Variants in JAKMIP2 observed in about 807,000 individuals in gnomAD.
The protein encoded by JAKMIP2 is janus kinase and microtubule-interacting protein 2.
In JAKMIP2, 25 loss-of-function variants were observed where a neutral mutation model predicts 115.0. The ratio of observed to expected loss-of-function variants is 0.22; its 90% CI spans 0.16 to 0.30. The LOEUF (loss-of-function observed/expected upper bound fraction) is 0.30. JAKMIP2 is among the 10% of genes least tolerant of loss of function. The pLI is 1.00. For missense variants in JAKMIP2, 642 were observed against 957.6 expected (o/e 0.67, Z 4.35); for synonymous variants, 334 against 343.6 (o/e 0.97, Z 0.31).
chr5:147,773,152 A>C (rs1208970111), intron 1 of JAKMIP2, among the ~76,000 whole-genome samples: 1 of 152,166 alleles, frequency 6.6e-6, no homozygotes, highest in Non-Finnish European at 1.5e-5. Context: ...CATCTTCTAA[A>C]GAGTAAAGAT....
chr5:147,624,295 T>C (rs1756996893), intron 16 of JAKMIP2, among the ~76,000 whole-genome samples: 1 of 152,170 alleles, frequency 6.6e-6, no homozygotes, highest in African/African-American at 2.4e-5. Context: ...CCTGCCCTTA[T>C]TGGAGAACAC....
At chr5:147,759,676 A>C (rs1188017142) in intron 1 of JAKMIP2, among the ~76,000 whole-genome samples, 1 of 152,200 alleles carries the variant, frequency 6.6e-6, no homozygotes, top group East Asian at 1.9e-4. Context: ...GAATGACAAG[A>C]AGCAGCTAAC....
chr5:147,661,763 G>T, intron 2 of JAKMIP2: 1 of 278,576 alleles, frequency 3.6e-6, no homozygotes, highest in South Asian at 6.6e-5. Flanking sequence ...CAGAATCCCT[G>T]GCTTAGCCCC....
intron 3 of JAKMIP2, among the ~76,000 whole-genome samples, chr5:147,652,979 T>C (rs1253134083): frequency 6.6e-6 from 1 of 152,088 alleles, no homozygotes; most frequent in East Asian, 1.9e-4. Context: ...GTTCCTGTGT[T>C]AGTTTGCTGA....
intron 1 of JAKMIP2, among the ~76,000 whole-genome samples, chr5:147,703,748 T>C (rs1019487312): frequency 3.9e-5 from 6 of 152,154 alleles, no homozygotes; most frequent in African/African-American, 1.4e-4. Context: ...GTTTACTTCA[T>C]AAACTTTTTT....
intron 21 of JAKMIP2, among the ~76,000 whole-genome samples, chr5:147,599,549 C>T (rs191077967): frequency 1.0e-3 from 154 of 152,246 alleles, no homozygotes; most frequent in African/African-American, 3.3e-3. Flanking sequence ...TTATGTGCTA[C>T]TTTGGAGGAA....
At chr5:147,637,087 G>T (rs1217517571) in intron 10 of JAKMIP2, 39 bp from the exon 11 acceptor site, 2 of 848,972 alleles carry the variant, frequency 2.4e-6, no homozygotes, top group Non-Finnish European at 4.1e-6. Context: ...CAAGTAAAAT[G>T]GTTATTCAAT....
chr5:147,611,432 G>C (rs1756315438), intron 20 of JAKMIP2, among the ~76,000 whole-genome samples: 1 of 152,154 alleles, frequency 6.6e-6, no homozygotes, highest in African/African-American at 2.4e-5. Context: ...CCCTTGGCTA[G>C]GGGAGGGATT....
rs569922289 is a variant in JAKMIP2 at position 147,591,212 on chromosome 5, C to T, written c.*495G>A. 3.6e-4 allele frequency: 56 copies of T among 156,770 alleles called. No individual in the cohort carries two copies. In the East Asian group the frequency reaches 7.2e-3, roughly 20 times the overall value. 9.7% of individuals were successfully genotyped at this position (156,770 alleles called of 1,614,324 possible). A position where few individuals can be genotyped will look rare whatever the true frequency, so the allele number is the denominator to read the frequency against. On this transcript the variant is annotated 3_prime_UTR_variant, in exon 22 of 22. Coordinates refer to ENST00000616793, the MANE Select transcript of JAKMIP2 (RefSeq NM_001270941.2). ...TATTCCTCGTGCTTCACTCCCCACCCACCCTTGTTTTTTTTGTTTGTTTGT... is the reference window on the plus strand; with the variant it reads ...TATTCCTCGTGCTTCACTCCCCACCTACCCTTGTTTTTTTTGTTTGTTTGT...
At chr5:147,703,248 T>C (rs919835277) in intron 1 of JAKMIP2, among the ~76,000 whole-genome samples, 1 of 152,284 alleles carries the variant, frequency 6.6e-6, no homozygotes, top group South Asian at 2.1e-4. Context: ...CCAGGCTATA[T>C]GTTATAGCCT....
intron 19 of JAKMIP2, among the ~76,000 whole-genome samples, chr5:147,617,288 G>A (rs750075701): frequency 3.9e-5 from 6 of 152,166 alleles, no homozygotes; most frequent in Non-Finnish European, 4.4e-5. Flanking sequence ...CTTACCATCT[G>A]TGTTATCTTG....
intron 19 of JAKMIP2, among the ~76,000 whole-genome samples, chr5:147,615,738 T>C (rs940551095): frequency 1.3e-5 from 2 of 152,186 alleles, no homozygotes; most frequent in African/African-American, 2.4e-5. Context: ...TATAACCATC[T>C]ATGGGTCCTT....
In JAKMIP2 at chr5:147,641,701, T is replaced by C. The variant is rs1255090498; in HGVS notation, c.1281+7A>G. The C allele has an allele frequency of 6.2e-7, 1 of 1,606,348 alleles. No individual in the cohort carries two copies. Among genetic ancestry groups the C allele is most frequent in the Non-Finnish European group, 8.5e-7 (1 of 1,173,150 alleles). On this transcript the variant is annotated splice_region_variant and intron_variant, in intron 8 of 21. Coordinates refer to ENST00000616793, the MANE Select transcript of JAKMIP2 (RefSeq NM_001270941.2). The stretch of plus-strand genomic sequence containing the variant: ...GCAAATGCCTGATAACTTTGATTTC[T>C]TATTACCTTAATTGGCTTGGAACTT...
intron 1 of JAKMIP2, among the ~76,000 whole-genome samples, chr5:147,687,053 A>G (rs535093584): frequency 8.5e-5 from 13 of 152,220 alleles, no homozygotes; most frequent in Middle Eastern, 3.4e-3. Flanking sequence ...AAAGCCCTGG[A>G]GTCCTGGCCT....
chr5:147,743,099 C>T (rs1754211196), intron 1 of JAKMIP2, among the ~76,000 whole-genome samples: 1 of 152,134 alleles, frequency 6.6e-6, no homozygotes. Context: ...GAGTTTGTTC[C>T]ATGTTAGTTC....
rs1755809800 is a variant in JAKMIP2 at position 147,782,694 on chromosome 5, T to G, written c.-387A>C. On this transcript the variant is annotated 5_prime_UTR_variant, in exon 1 of 22. Coordinates refer to ENST00000616793, the MANE Select transcript of JAKMIP2 (RefSeq NM_001270941.2). ...CAGCAGCAGCAGCAGCATCACCAGT[T>G]GGGCCTCCTCCCTCTCGGAGGATGG... is the stretch of plus-strand genomic sequence containing the variant. 3.3e-6 allele frequency: 2 copies of G among 614,680 alleles called. No homozygotes were observed. The highest frequency in any genetic ancestry group is 1.9e-5 in the African/African-American group (1 of 52,680). 38.1% of individuals were successfully genotyped at this position (614,680 alleles called of 1,614,324 possible).
rs140779205 is a variant in JAKMIP2, at chr5:147,623,444, T to C, written c.2064+177A>G. ...ACTAACATTTTTTGGGGGGAGAATA[T>C]AGCCTGAAATTGTTTGGTACTTCTG... On this transcript the variant is annotated intron_variant, in intron 17 of 21. Coordinates refer to ENST00000616793, the MANE Select transcript of JAKMIP2 (RefSeq NM_001270941.2). Among the ~76,000 whole-genome samples, 923 of 152,258 alleles carry C rather than the reference T, an allele frequency of 6.1e-3. 15 individuals are homozygous for C. The highest frequency in any genetic ancestry group is 0.021 in the African/African-American group (885 of 41,556).
chr5:147,687,953 A>C (rs1174568198), intron 1 of JAKMIP2, among the ~76,000 whole-genome samples: 5 of 152,226 alleles, frequency 3.3e-5, no homozygotes, highest in African/African-American at 1.2e-4. Context: ...TCATTGACTC[A>C]GTTAATGTTT....
intron 1 of JAKMIP2, among the ~76,000 whole-genome samples, chr5:147,772,811 C>T (rs1417850091): frequency 6.6e-6 from 1 of 151,964 alleles, no homozygotes; most frequent in Non-Finnish European, 1.5e-5. Context: ...TTGGGTATAA[C>T]ATTTAACCTA....
Sources: gnomAD v4.1 joint callset for allele counts (sites outside exome capture counted in the v4.1 genomes callset) on GRCh38, gnomAD v4.1.1 for gene constraint, MANE v1.5 for transcripts, NCBI Gene and HGNC (gene_info 2026-07-23, HGNC 2026-07-21) for gene names.